The following EXTL3 variants were observed in gnomAD, a reference collection of about 807,000 sequenced individuals.
EXTL3 encodes the protein exostosin-like 3.
In EXTL3, 27 loss-of-function variants were observed where a neutral mutation model predicts 69.3. The ratio of observed to expected loss-of-function variants is 0.39; its 90% confidence interval spans 0.29 to 0.54. EXTL3 has a LOEUF of 0.54. Ranked by LOEUF, EXTL3 falls within the 20% of genes least tolerant of loss-of-function variation. EXTL3 has a pLI of 0.69. For missense variants in EXTL3, 1,003 were observed against 1,231.8 expected (o/e 0.81, Z 2.78); for synonymous variants, 511 against 499.4 (o/e 1.02, Z -0.31).
intron 1 of EXTL3, among the ~76,000 whole-genome samples, chr8:28,702,585 G>A (rs901908446): frequency 3.8e-5 from 1 of 26,466 alleles, no homozygotes; most frequent in Non-Finnish European, 9.0e-5. Context: ...CCCCACCCCC[G>A]CCCTTCCCCG....
chr8:28,680,371 C>T (rs1310322018), intron 1 of EXTL3, among the ~76,000 whole-genome samples: 2 of 118,746 alleles, frequency 1.7e-5, no homozygotes, highest in African/African-American at 6.7e-5. Context: ...GCCTGGGCAA[C>T]ACAGACTCTG....
intron 1 of EXTL3, among the ~76,000 whole-genome samples, chr8:28,709,641 A>G (rs1260557400): frequency 2.0e-5 from 3 of 152,348 alleles, no homozygotes; most frequent in Middle Eastern, 3.4e-3. Flanking sequence ...AAATAGAGAC[A>G]TATCCCAGAT....
At chr8:28,645,831 T>C (rs1806819926) in intron 1 of EXTL3, among the ~76,000 whole-genome samples, 1 of 70,212 alleles carries the variant, frequency 1.4e-5, no homozygotes, top group Non-Finnish European at 2.8e-5. Context: ...ACCTGGACTT[T>C]TTTTTTTTTT....
chr8:28,622,568 G>A (rs564692069), upstream of EXTL3, among the ~76,000 whole-genome samples: 2 of 127,870 alleles, frequency 1.6e-5, no homozygotes, highest in Admixed American at 1.6e-4. Flanking sequence ...TGGGCGGGGC[G>A]TTAGGGGGCG....
chr8:28,721,439 GT>G (rs1484110353), intron 3 of EXTL3, among the ~76,000 whole-genome samples: 1 of 152,204 alleles, frequency 6.6e-6, no homozygotes. Flanking sequence ...AAGACCATGG[GT>G]TTTGTATGAG....
intron 1 of EXTL3, among the ~76,000 whole-genome samples, chr8:28,665,853 G>T (rs1807188885): frequency 6.6e-6 from 1 of 152,208 alleles, no homozygotes; most frequent in South Asian, 2.1e-4. Context: ...AGCTGAATGT[G>T]TTTAAGACAC....
chr8:28,703,401 C>T (rs1188012724), intron 1 of EXTL3, among the ~76,000 whole-genome samples: 3 of 145,226 alleles, frequency 2.1e-5, no homozygotes, highest in Non-Finnish European at 4.5e-5. Flanking sequence ...TTTAAGGGAA[C>T]AGTTTGGAGA....
chr8:28,632,063 G>A (rs775715626), intron 1 of EXTL3, among the ~76,000 whole-genome samples: 6 of 151,328 alleles, frequency 4.0e-5, no homozygotes, highest in African/African-American at 1.2e-4. Context: ...GCTGCACTCC[G>A]GCCTGGCGAC....
chr8:28,711,387 T>C (rs567982701), intron 1 of EXTL3, among the ~76,000 whole-genome samples: 1 of 152,210 alleles, frequency 6.6e-6, no homozygotes, highest in Non-Finnish European at 1.5e-5. Context: ...GGTTATTGAT[T>C]CGAGACTTTT....
At chr8:28,703,765 A>G (rs1800861975) in intron 1 of EXTL3, among the ~76,000 whole-genome samples, 1 of 152,226 alleles carries the variant, frequency 6.6e-6, no homozygotes, top group African/African-American at 2.4e-5. Flanking sequence ...AGGACGTTTC[A>G]TAACGTCCTA....
intron 6 of EXTL3, chr8:28,744,045 T>A (rs1231937817): frequency 6.6e-6 from 1 of 152,296 alleles, no homozygotes; most frequent in African/African-American, 2.4e-5. Flanking sequence ...CCACTTCCTG[T>A]CATCTTTGTG....
intron 1 of EXTL3, among the ~76,000 whole-genome samples, chr8:28,650,006 G>A (rs558086256): frequency 1.3e-4 from 20 of 151,996 alleles, no homozygotes; most frequent in African/African-American, 4.6e-4. Context: ...GACCAGCCTG[G>A]CCAACATGGT....
chr8:28,702,202 T>A (rs1014746522), intron 1 of EXTL3, among the ~76,000 whole-genome samples: 4 of 152,140 alleles, frequency 2.6e-5, no homozygotes, highest in Middle Eastern at 3.2e-3. Flanking sequence ...CCCTCCCCGC[T>A]GGCTCTTTTT....
chr8:28,686,333 C>CT (rs1563204397), intron 1 of EXTL3, among the ~76,000 whole-genome samples: 57 of 123,428 alleles, frequency 4.6e-4, no homozygotes, highest in African/African-American at 1.4e-3. Context: ...CTCTCTCTCT[C>CT]AAAAAAAAAA....
At chr8:28,608,437 A>G (rs1162669044) in intron 2 of EXTL3, among the ~76,000 whole-genome samples, 1 of 152,114 alleles carries the variant, frequency 6.6e-6, no homozygotes, top group Non-Finnish European at 1.5e-5. Flanking sequence ...TCTTTGATTT[A>G]CCCAATCAAC....
chr8:28,617,256 C>T (rs147494786), intron 2 of EXTL3, among the ~76,000 whole-genome samples: 191 of 152,190 alleles, frequency 1.3e-3, no homozygotes, highest in African/African-American at 4.3e-3. Context: ...CTTCCTTCCT[C>T]ATTTTTCATG....
intron 4 of EXTL3, among the ~76,000 whole-genome samples, chr8:28,731,611 G>A (rs1801540074): frequency 6.6e-6 from 1 of 152,136 alleles, no homozygotes; most frequent in Admixed American, 6.6e-5. Flanking sequence ...CTAGACCCTG[G>A]TTACCTGCCT....
rs71549699 is a variant in EXTL3, at chr8:28,754,033, C to CGTGTGTGTGTGTGTGTGTGTGT, written c.*3174_*3195dup. ...AATTTTTTCATGGGAATTTAAAATG[C>CGTGTGTGTGTGTGTGTGTGTGT]GTGTGTGTGTGTGTGTGTGTGTGTG... On this transcript the variant is annotated 3_prime_UTR_variant, in exon 7 of 7. Transcript: ENST00000220562. The CGTGTGTGTGTGTGTGTGTGTGT allele has an allele frequency of 3.5e-5, 5 of 142,170 alleles. No individual in the cohort carries two copies. The highest frequency in any genetic ancestry group is 1.3e-4 in the African/African-American group (5 of 39,770). 8.8% of individuals were successfully genotyped at this position (142,170 alleles called of 1,614,324 possible).
chr8:28,748,754 G>A (rs1157868255), intron 6 of EXTL3, among the ~76,000 whole-genome samples: 3 of 152,154 alleles, frequency 2.0e-5, no homozygotes, highest in African/African-American at 4.8e-5. Context: ...GGGAAGTGTA[G>A]GTTGAGAATG....
Sources: gnomAD v4.1 joint callset for allele counts (sites outside exome capture counted in the v4.1 genomes callset) on GRCh38, gnomAD v4.1.1 for gene constraint, MANE v1.5 for transcripts, NCBI Gene and HGNC (gene_info 2026-07-23, HGNC 2026-07-21) for gene names.